The following ADGRB3 variants were observed in gnomAD, a reference collection of about 807,000 sequenced individuals.
ADGRB3 encodes adhesion G protein-coupled receptor B3, also known as brain-specific angiogenesis inhibitor 3.
ADGRB3 carries 37 observed loss-of-function variants against 193.4 expected under a neutral mutation model. The ratio of observed to expected loss-of-function variants is 0.19; its 90% CI spans 0.15 to 0.25. The LOEUF (loss-of-function observed/expected upper bound fraction) is 0.25. ADGRB3 is among the 10% of genes least tolerant of loss of function. The probability of loss-of-function intolerance (pLI) is 1.00; values close to 1 mark genes in which losing one functional copy is unlikely to be tolerated. For synonymous variants in ADGRB3, 690 were observed against 644.2 expected (o/e 1.07, Z -1.08); for missense variants, 1,637 against 1,852.9 (o/e 0.88, Z 2.14).
chr6:69,067,197 T>A (rs1268293646), intron 16 of ADGRB3, among the ~76,000 whole-genome samples: 1 of 152,092 alleles, frequency 6.6e-6, no homozygotes, highest in Non-Finnish European at 1.5e-5. Flanking sequence ...CCAAATGGTA[T>A]AGGTAGGGTA....
At chr6:69,062,091 C>A (rs187762015) in intron 15 of ADGRB3, among the ~76,000 whole-genome samples, 32 of 151,928 alleles carry the variant, frequency 2.1e-4, no homozygotes, top group African/African-American at 7.7e-4. Context: ...CAATTCCAAA[C>A]AGGAATATAT....
chr6:68,917,538 C>A (rs973233928), intron 3 of ADGRB3, among the ~76,000 whole-genome samples: 5 of 152,074 alleles, frequency 3.3e-5, no homozygotes, highest in African/African-American at 7.2e-5. Context: ...TTCCTGATTT[C>A]TGTTAGAATC....
intron 8 of ADGRB3, among the ~76,000 whole-genome samples, chr6:68,969,423 G>A (rs1768490708): frequency 1.3e-5 from 2 of 152,152 alleles, no homozygotes; most frequent in African/African-American, 4.8e-5. Flanking sequence ...GTAAATATGA[G>A]CCGTGATGGG....
intron 17 of ADGRB3, among the ~76,000 whole-genome samples, chr6:69,173,285 A>T (rs1775336069): frequency 6.6e-6 from 1 of 152,064 alleles, no homozygotes; most frequent in South Asian, 2.1e-4. Context: ...TGATCCACCC[A>T]CCTCGGCCTC....
intron 3 of ADGRB3, among the ~76,000 whole-genome samples, chr6:68,841,745 A>G (rs1273260935): frequency 6.6e-6 from 1 of 152,086 alleles, no homozygotes; most frequent in Non-Finnish European, 1.5e-5. Context: ...AGAAGAAAAG[A>G]AGTAATAAAG....
intron 3 of ADGRB3, among the ~76,000 whole-genome samples, chr6:68,906,320 A>G (rs1766545215): frequency 2.6e-5 from 4 of 151,824 alleles, no homozygotes; most frequent in Middle Eastern, 3.4e-3. Flanking sequence ...TACCATATAT[A>G]TTGTTGGTAT....
At chr6:68,668,704 G>T (rs1272708414) in intron 3 of ADGRB3, among the ~76,000 whole-genome samples, 1 of 151,698 alleles carries the variant, frequency 6.6e-6, no homozygotes, top group Admixed American at 6.6e-5. Context: ...CATCCTCATC[G>T]CCTGCTAGCT....
chr6:69,258,000 C>G (rs1385215223), intron 20 of ADGRB3, among the ~76,000 whole-genome samples: 1 of 152,016 alleles, frequency 6.6e-6, no homozygotes, highest in Non-Finnish European at 1.5e-5. Context: ...AGTCTCATGT[C>G]CAGATATAAA....
intron 20 of ADGRB3, among the ~76,000 whole-genome samples, chr6:69,321,885 G>A (rs775245302): frequency 6.6e-6 from 1 of 151,774 alleles, no homozygotes; most frequent in Non-Finnish European, 1.5e-5. Flanking sequence ...TAAGTTCAGG[G>A]GTACATGTGG....
At chr6:69,120,004 T>G (rs1444413445) in intron 17 of ADGRB3, among the ~76,000 whole-genome samples, 1 of 151,992 alleles carries the variant, frequency 6.6e-6, no homozygotes, top group Non-Finnish European at 1.5e-5. Flanking sequence ...GTAGGGATGG[T>G]GAAAAATGGT....
intron 3 of ADGRB3, among the ~76,000 whole-genome samples, chr6:68,787,915 C>T (rs1466181474): frequency 2.6e-5 from 4 of 152,160 alleles, no homozygotes; most frequent in Non-Finnish European, 5.9e-5. Context: ...TTATCCATTT[C>T]CTCTAGATTT....
intron 20 of ADGRB3, among the ~76,000 whole-genome samples, chr6:69,277,846 T>G (rs979126345): frequency 1.3e-5 from 2 of 152,222 alleles, no homozygotes; most frequent in Admixed American, 1.3e-4. Flanking sequence ...ATGATAATAG[T>G]ACCCACCTTA....
chr6:68,741,419 C>A (rs560588451), intron 3 of ADGRB3, among the ~76,000 whole-genome samples: 1 of 151,892 alleles, frequency 6.6e-6, no homozygotes, highest in Admixed American at 6.6e-5. Context: ...GCTCTGTTGC[C>A]CAGGCTGGAG....
At chr6:68,846,206 G>A (rs1469399197) in intron 3 of ADGRB3, among the ~76,000 whole-genome samples, 1 of 152,258 alleles carries the variant, frequency 6.6e-6, no homozygotes, top group Middle Eastern at 3.4e-3. Flanking sequence ...AAGCAGCAAA[G>A]CATTCAAGAG....
At chr6:68,865,083 A>T (rs1454534531) in intron 3 of ADGRB3, among the ~76,000 whole-genome samples, 2 of 152,154 alleles carry the variant, frequency 1.3e-5, no homozygotes, top group Non-Finnish European at 2.9e-5. Context: ...CTCTGGTTCT[A>T]GCTTCCTCTT....
At chr6:68,720,362 G>GGCTA (rs1765555761) in intron 3 of ADGRB3, among the ~76,000 whole-genome samples, 1 of 151,608 alleles carries the variant, frequency 6.6e-6, no homozygotes, top group African/African-American at 2.4e-5. Context: ...ACACCCCTCA[G>GGCTA]GCTATGCATT....
At chr6:69,270,900 A>G (rs954863694) in intron 20 of ADGRB3, among the ~76,000 whole-genome samples, 4 of 152,216 alleles carry the variant, frequency 2.6e-5, no homozygotes, top group African/African-American at 9.6e-5. Context: ...TTAAAGGGAA[A>G]AACTTATATA....
At chr6:68,721,627 A>AATAT (rs71852236) in intron 3 of ADGRB3, among the ~76,000 whole-genome samples, 2,205 of 140,166 alleles carry the variant, frequency 0.016, 24 homozygotes, top group Middle Eastern at 0.019. Flanking sequence ...AAGTATAATA[A>AATAT]ATATATATAT....
At chr6:68,875,072 TTTC>T (rs1404767792) in intron 3 of ADGRB3, among the ~76,000 whole-genome samples, 1 of 141,808 alleles carries the variant, frequency 7.1e-6, no homozygotes, top group Non-Finnish European at 1.6e-5. Context: ...TCTTTCCTTC[TTTC>T]TTTCTTCTTT....
Sources: gnomAD v4.1 joint callset for allele counts (sites outside exome capture counted in the v4.1 genomes callset) on GRCh38, gnomAD v4.1.1 for gene constraint, MANE v1.5 for transcripts, NCBI Gene and HGNC (gene_info 2026-07-23, HGNC 2026-07-21) for gene names.